Variants in FGFRL1 observed in about 807,000 individuals in gnomAD.
The protein encoded by FGFRL1 is fibroblast growth factor receptor-like 1.
In FGFRL1, 24 loss-of-function variants were observed where a neutral mutation model predicts 36.8. The observed-to-expected ratio is 0.65, with a 90% CI of 0.47 to 0.92. FGFRL1 has a LOEUF of 0.92. Ranked by LOEUF, FGFRL1 falls within the 40% of genes least tolerant of loss-of-function variation. The pLI is 0.00. For missense variants in FGFRL1, 785 were observed against 753.4 expected, an observed-to-expected ratio of 1.04 and a Z score of -0.49; for synonymous variants, 422 against 344.1, an observed-to-expected ratio of 1.23 and a Z score of -2.50.
intron 2 of FGFRL1, among the ~76,000 whole-genome samples, chr4:1,015,576 TC>T (rs1715846480): frequency 6.6e-6 from 1 of 152,192 alleles, no homozygotes; most frequent in Non-Finnish European, 1.5e-5. Context: ...GGGGTCTCCT[TC>T]CAGGTCATTG....
At chr4:1,018,016 A>G (rs1461844568) in intron 2 of FGFRL1, among the ~76,000 whole-genome samples, 2 of 152,208 alleles carry the variant, frequency 1.3e-5, no homozygotes, top group African/African-American at 4.8e-5. Context: ...CCCTTCCAGA[A>G]GAGATATTGG....
chr4:1,010,462 C>A (rs1413214092), upstream of FGFRL1, among the ~76,000 whole-genome samples: 2 of 152,378 alleles, frequency 1.3e-5, no homozygotes, highest in South Asian at 4.1e-4. Flanking sequence ...CAGCTGGCGC[C>A]CCCCACGCCC....
rs774380288 is a variant in FGFRL1, at chr4:1,024,515, C to T, written c.923C>T (p.Thr308Met). The change falls in exon 6 of 7, where the codon ACG becomes ATG. Residue 308 changes from threonine (T) to methionine (M), a missense_variant. Transcript: ENST00000510644. ...VGGQKFVVLPTGDVWSRPDGS... is the reference protein window; with the variant it reads ...VGGQKFVVLPMGDVWSRPDGS... Reference sequence around the variant, plus strand: ...GGCCAGAAGTTTGTGGTGCTGCCCACGGGTGACGTGTGGTCGCGGCCCGAC... The same window carrying T: ...GGCCAGAAGTTTGTGGTGCTGCCCATGGGTGACGTGTGGTCGCGGCCCGAC... 9.9e-6 allele frequency: 16 copies of T among 1,612,386 alleles called. No homozygotes were observed. Among genetic ancestry groups the T allele is most frequent in the African/African-American group, 2.7e-5 (2 of 74,892 alleles).
chr4:1,025,608 C>T lies in FGFRL1; in HGVS notation c.*261C>T, dbSNP rs553513239. 8.9e-6 allele frequency: 5 copies of T among 562,568 alleles called. No homozygotes were observed. The East Asian group carries it at 1.5e-4, about 17-fold the overall frequency. The allele number at this position is 562,568 out of a possible 1,614,324, so 34.8% of individuals were successfully genotyped here. ...GCACACACGCACATGCACAGATATG[C>T]CGCCTGGGCACACAGATAAGCTGCC... is the stretch of plus-strand genomic sequence containing the variant. On this transcript the variant is annotated 3_prime_UTR_variant, in exon 7 of 7. Coordinates refer to ENST00000510644, the MANE Select transcript of FGFRL1 (RefSeq NM_001004356.3).
In FGFRL1 at chr4:1,025,200, C is replaced by G; in HGVS notation, c.1368C>G (p.Pro456=). The G allele has an allele frequency of 6.2e-7, 1 of 1,610,630 alleles. No homozygotes were observed. Among genetic ancestry groups the G allele is most frequent in the Non-Finnish European group, 8.5e-7 (1 of 1,179,074 alleles). Residue 456 remains proline, a synonymous_variant, in exon 7 of 7, where the codon CCC becomes CCG. Coordinates refer to ENST00000510644, the MANE Select transcript of FGFRL1 (RefSeq NM_001004356.3). The part of the protein sequence containing the change: ...LCEEHGSPAA[P]QHLLGPGPVA... ...AGGAGCATGGGTCTCCGGCAGCCCCCCAGCACTTACTGGGCCCAGGCCCAG... is the reference window on the plus strand; with the variant it reads ...AGGAGCATGGGTCTCCGGCAGCCCCGCAGCACTTACTGGGCCCAGGCCCAG...
Position 1,024,768 on chromosome 4 carries a change from C to T in FGFRL1, c.1072+104C>T, listed in dbSNP as rs1047773657. The T allele has an allele frequency of 2.0e-5, 28 of 1,407,278 alleles. No individual in the cohort carries two copies. The East Asian group carries it at 2.9e-4, about 14-fold the overall frequency. The allele number at this position is 1,407,278 out of a possible 1,614,324, so 87.2% of individuals were successfully genotyped here. ...GGGGCCCCACCCTTCCCTCCCGGGCCGTGCTGGCCAGGTCATCTGCCGAGG... is the reference window on the plus strand; with the variant it reads ...GGGGCCCCACCCTTCCCTCCCGGGCTGTGCTGGCCAGGTCATCTGCCGAGG... On this transcript the variant is annotated intron_variant, in intron 6 of 6. Coordinates refer to ENST00000510644, the MANE Select transcript of FGFRL1 (RefSeq NM_001004356.3).
At chr4:1,012,300 C>T (rs1441379028) in intron 1 of FGFRL1, 170 bp from the exon 2 acceptor site, 3 of 629,044 alleles carry the variant, frequency 4.8e-6, no homozygotes, top group African/African-American at 2.0e-5. Flanking sequence ...AACCCTTTGT[C>T]TGCCTTTGAT....
chr4:1,024,127 G>C, intron 5 of FGFRL1, 26 bp downstream of exon 5: 1 of 1,441,766 alleles, frequency 6.9e-7, no homozygotes. Flanking sequence ...GGCGCTGGCG[G>C]GCGGGGGGTG....
intron 2 of FGFRL1, among the ~76,000 whole-genome samples, chr4:1,016,605 C>T (rs1462206793): frequency 6.6e-6 from 1 of 152,076 alleles, no homozygotes; most frequent in East Asian, 1.9e-4. Flanking sequence ...CTGCATGCAG[C>T]TTGCTGGGGC....
chr4:1,014,226 C>T (rs1018396887), intron 2 of FGFRL1, among the ~76,000 whole-genome samples: 5 of 152,010 alleles, frequency 3.3e-5, no homozygotes, highest in Non-Finnish European at 5.9e-5. Context: ...TTAAAAGTTC[C>T]TCTTTTCCCA....
Position 1,022,424 on chromosome 4 carries a change from G to T in FGFRL1, c.301G>T (p.Ala101Ser). The change falls in exon 3 of 7, where the codon GCC becomes TCC. Residue 101 changes from alanine (A) to serine (S), a missense_variant. Ala to Ser is a moderately conservative substitution (Grantham distance 99). Transcript: ENST00000510644. ...GGATGCCGGCGTGTACGTGTGCAAG[G>T]CCACCAACGGCTTCGGCAGCCTGAG... The part of the protein sequence containing the change: ...REDAGVYVCK[A>S]TNGFGSLSVN... 1.2e-6 allele frequency: 2 copies of T among 1,610,922 alleles called. No individual in the cohort carries two copies. Among genetic ancestry groups the T allele is most frequent in the Non-Finnish European group, 1.7e-6 (2 of 1,178,966 alleles).
chr4:1,010,601 G>A (rs895569502), upstream of FGFRL1, among the ~76,000 whole-genome samples: 1 of 152,250 alleles, frequency 6.6e-6, no homozygotes, highest in African/African-American at 2.4e-5. Context: ...GGATGGAGGA[G>A]GTGCTGGGAT....
Position 1,023,096 on chromosome 4 carries a change from C to T in FGFRL1, c.353-545C>T, listed in dbSNP as rs1006853784. Among the ~76,000 whole-genome samples the T allele has an allele frequency of 4.6e-5, 7 of 152,112 alleles. 1 individual carries two copies. The highest frequency in any genetic ancestry group is 1.3e-4 in the Admixed American group (2 of 15,286). ...TACAGGAGCCTGGCCCAGGCCCCAG[C>T]AGGGTCTGGGGGTGCGGCCTGAGAC... is the stretch of plus-strand genomic sequence containing the variant. On this transcript the variant is annotated intron_variant, in intron 3 of 6. Transcript: ENST00000510644. This position sits in a 1 kb window ranked among gnomAD's most constrained non-coding sequence, Gnocchi z 6.0.
chr4:1,014,095 C>T (rs968876398), intron 2 of FGFRL1, among the ~76,000 whole-genome samples: 1 of 152,232 alleles, frequency 6.6e-6, no homozygotes, highest in African/African-American at 2.4e-5. Context: ...CTGAACAGCC[C>T]ACTGTGCACC....
chr4:1,014,504 C>T (rs973994989), intron 2 of FGFRL1, among the ~76,000 whole-genome samples: 3 of 152,240 alleles, frequency 2.0e-5, no homozygotes, highest in African/African-American at 7.2e-5. Flanking sequence ...CCTCTGCACC[C>T]GGCCAGCTGC....
intron 5 of FGFRL1, 48 bp downstream of exon 5, chr4:1,024,149 G>A (rs745598351): frequency 4.7e-6 from 6 of 1,282,604 alleles, no homozygotes; most frequent in Middle Eastern, 2.9e-4. Context: ...TGGTGGGCGG[G>A]GGCGCTGGCG....
chr4:1,025,913 CA>C lies in FGFRL1; in HGVS notation c.*567del. 1 of 167,112 alleles carries C rather than the reference CA, an allele frequency of 6.0e-6. No individual in the cohort carries two copies. The highest frequency in any genetic ancestry group is 1.3e-5 in the Non-Finnish European group (1 of 77,578). 10.4% of individuals were successfully genotyped at this position (167,112 alleles called of 1,614,324 possible). A position where few individuals can be genotyped will look rare whatever the true frequency, so the allele number is the denominator to read the frequency against. On this transcript the variant is annotated 3_prime_UTR_variant, in exon 7 of 7. Coordinates refer to ENST00000510644, the MANE Select transcript of FGFRL1 (RefSeq NM_001004356.3). Reference sequence around the variant, plus strand: ...CACAGATATGCTGTCTGGACACGCACACACATGCAGATATGCTGCCTGGACA... The same window carrying C: ...CACAGATATGCTGTCTGGACACGCACCACATGCAGATATGCTGCCTGGACA...
Position 1,026,393 on chromosome 4 carries a change from C to T in FGFRL1, c.*1046C>T, listed in dbSNP as rs1052605920. 1 of 155,966 alleles carries T rather than the reference C, an allele frequency of 6.4e-6. No homozygotes were observed. Among genetic ancestry groups the T allele is most frequent in the African/African-American group, 2.4e-5 (1 of 41,188 alleles). The allele number at this position is 155,966 out of a possible 1,614,324, so 9.7% of individuals were successfully genotyped here. A position where few individuals can be genotyped will look rare whatever the true frequency, so the allele number is the denominator to read the frequency against. On this transcript the variant is annotated 3_prime_UTR_variant, in exon 7 of 7. Coordinates refer to ENST00000510644, the MANE Select transcript of FGFRL1 (RefSeq NM_001004356.3). The stretch of plus-strand genomic sequence containing the variant: ...AGGCTCATAGTTGATGAGGGACTTT[C>T]CCTGCTCCACCGTCACTCCCCCAAC...
chr4:1,020,629 T>C (rs1179194117), intron 2 of FGFRL1, among the ~76,000 whole-genome samples: 250 of 39,510 alleles, frequency 6.3e-3, no homozygotes, highest in South Asian at 9.3e-3. Flanking sequence ...GGGTGGGGAC[T>C]GAGGCAGGGG....
Sources: allele counts gnomAD v4.1 joint callset (sites outside exome capture counted in the v4.1 genomes callset), GRCh38; gene constraint gnomAD v4.1.1; non-coding constraint Gnocchi (gnomAD v3.1); transcripts MANE v1.5; gene names NCBI Gene and HGNC (gene_info 2026-07-23, HGNC 2026-07-21).